CAPZB: variants seen among roughly 807,000 people sequenced by gnomAD.
CAPZB encodes capping actin protein of muscle Z-line subunit beta.
In CAPZB, 2 loss-of-function variants were observed where a neutral mutation model predicts 38.1. The ratio of observed to expected loss-of-function variants is 0.05; its 90% CI spans 0.02 to 0.17. The LOEUF is 0.17. Ranked by LOEUF, CAPZB falls within the 10% of genes least tolerant of loss-of-function variation. CAPZB has a pLI of 1.00. For synonymous variants in CAPZB, 107 were observed against 127.4 expected (o/e 0.84, Z 1.08); for missense variants, 161 against 334.2 (o/e 0.48, Z 4.04).
At chr1:19,350,683 C>T (rs577908780) in intron 6 of CAPZB, among the ~76,000 whole-genome samples, 21 of 151,980 alleles carry the variant, frequency 1.4e-4, no homozygotes, top group Admixed American at 9.8e-4. Flanking sequence ...GTTGTCACCA[C>T]GGCTCACTGC....
intron 4 of CAPZB, among the ~76,000 whole-genome samples, chr1:19,363,274 TTTTTTA>T (rs1251176571): frequency 6.7e-6 from 1 of 149,838 alleles, no homozygotes. Flanking sequence ...TTTTTTTTTT[TTTTTTA>T]GAGACAGGGT....
chr1:19,459,555 G>A (rs914243249), intron 1 of CAPZB, among the ~76,000 whole-genome samples: 3 of 152,172 alleles, frequency 2.0e-5, no homozygotes, highest in Non-Finnish European at 2.9e-5. Context: ...TCCAAAAAAC[G>A]GGATAGGGGC....
intron 1 of CAPZB, among the ~76,000 whole-genome samples, chr1:19,455,305 A>G (rs2094529554): frequency 6.6e-6 from 1 of 152,244 alleles, no homozygotes; most frequent in African/African-American, 2.4e-5. Context: ...ATGCTAACAC[A>G]GGGCTCCTGG....
chr1:19,413,835 A>G (rs949150522), intron 2 of CAPZB, among the ~76,000 whole-genome samples: 9 of 152,212 alleles, frequency 5.9e-5, no homozygotes, highest in African/African-American at 2.2e-4. Flanking sequence ...TCCCAGGCCC[A>G]GTGCAGCTTC....
At chr1:19,393,169 G>A (rs1168954085) in intron 2 of CAPZB, among the ~76,000 whole-genome samples, 1 of 152,254 alleles carries the variant, frequency 6.6e-6, no homozygotes. Flanking sequence ...TGGAGCTTCC[G>A]ACCCATTTTG....
chr1:19,469,741 TACACACACACACACACACACAC>T (rs60330360), intron 1 of CAPZB, among the ~76,000 whole-genome samples: 30 of 136,722 alleles, frequency 2.2e-4, no homozygotes, highest in Admixed American at 1.8e-3. Context: ...AGGAAAAGAA[TACACACACACACACACACACAC>T]ACACACACAC....
At chr1:19,453,214 C>A (rs927917796) in intron 1 of CAPZB, among the ~76,000 whole-genome samples, 11 of 152,158 alleles carry the variant, frequency 7.2e-5, no homozygotes, top group Non-Finnish European at 1.5e-4. Flanking sequence ...CCCGGTGTCA[C>A]CGGGCCCCTG....
intron 2 of CAPZB, among the ~76,000 whole-genome samples, chr1:19,393,783 T>C (rs1310203001): frequency 6.6e-6 from 1 of 152,202 alleles, no homozygotes; most frequent in East Asian, 1.9e-4. Context: ...CTCCTGCCCC[T>C]CACCACAGCC....
intron 7 of CAPZB, 32 bp downstream of exon 7, chr1:19,345,155 T>C: frequency 6.3e-7 from 1 of 1,585,378 alleles, no homozygotes; most frequent in Non-Finnish European, 8.7e-7. Context: ...TGTGGGTCAC[T>C]GCAGGAGCCA....
chr1:19,470,710 T>C (rs1472408602), intron 1 of CAPZB, among the ~76,000 whole-genome samples: 2 of 152,248 alleles, frequency 1.3e-5, no homozygotes, highest in African/African-American at 4.8e-5. Flanking sequence ...GCAAAGGCTT[T>C]TAAATTCAGA....
intron 3 of CAPZB, among the ~76,000 whole-genome samples, chr1:19,378,999 C>T (rs2094158431): frequency 1.3e-5 from 2 of 152,118 alleles, no homozygotes; most frequent in Non-Finnish European, 1.5e-5. Context: ...GCAGATCAAG[C>T]GCCCAGCCCA....
At chr1:19,463,998 A>C in intron 1 of CAPZB, among the ~76,000 whole-genome samples, 1 of 144,986 alleles carries the variant, frequency 6.9e-6, no homozygotes, top group African/African-American at 2.6e-5. Context: ...AACATGGTGA[A>C]CCCCTATCTC....
chr1:19,414,699 C>A (rs969387845), intron 2 of CAPZB, among the ~76,000 whole-genome samples: 1 of 152,198 alleles, frequency 6.6e-6, no homozygotes, highest in Non-Finnish European at 1.5e-5. Flanking sequence ...GCTCAAAATA[C>A]ACCCCAGCTG....
At chr1:19,401,692 A>AACAAC (rs1442071085) in intron 2 of CAPZB, among the ~76,000 whole-genome samples, 1 of 152,178 alleles carries the variant, frequency 6.6e-6, no homozygotes, top group African/African-American at 2.4e-5. Context: ...GGGAGGACTA[A>AACAAC]ACAACCCCTT....
At chr1:19,387,573 A>C (rs960871380) in intron 2 of CAPZB, among the ~76,000 whole-genome samples, 4 of 152,182 alleles carry the variant, frequency 2.6e-5, no homozygotes, top group African/African-American at 9.7e-5. Context: ...GTTGGGCCTC[A>C]ACTTTTGCCT....
intron 1 of CAPZB, among the ~76,000 whole-genome samples, chr1:19,462,271 T>C (rs1434545932): frequency 2.0e-5 from 3 of 148,496 alleles, no homozygotes; most frequent in African/African-American, 7.5e-5. Context: ...GCTAACACGG[T>C]GAAACCCCGT....
chr1:19,415,370 A>G (rs1026183437), intron 2 of CAPZB, among the ~76,000 whole-genome samples: 2 of 152,250 alleles, frequency 1.3e-5, no homozygotes, highest in African/African-American at 2.4e-5. Flanking sequence ...TTGCCTTTAG[A>G]CAGGTGCATA....
intron 8 of CAPZB, chr1:19,342,928 A>G (rs748765284): frequency 4.5e-5 from 44 of 970,994 alleles, no homozygotes; most frequent in Non-Finnish European, 6.3e-5. Flanking sequence ...CCAGGAACGC[A>G]GGGGGCCACA....
chr1:19,389,630 G>A (rs759920713), intron 2 of CAPZB, among the ~76,000 whole-genome samples: 22 of 152,182 alleles, frequency 1.4e-4, no homozygotes, highest in Non-Finnish European at 2.6e-4. Flanking sequence ...GTTTCACCAC[G>A]TTAGCCAGGA....
Sources: gnomAD v4.1 joint callset for allele counts (sites outside exome capture counted in the v4.1 genomes callset) on GRCh38, gnomAD v4.1.1 for gene constraint, MANE v1.5 for transcripts, NCBI Gene and HGNC (gene_info 2026-07-23, HGNC 2026-07-21) for gene names.